The following PYGB variants were observed in gnomAD, a reference collection of about 807,000 sequenced individuals.
PYGB encodes the protein glycogen phosphorylase B, also known as glycogen phosphorylase, brain form.
In PYGB, 82 loss-of-function variants were observed where a neutral mutation model predicts 94.3. The ratio of observed to expected loss-of-function variants is 0.87; its 90% CI spans 0.73 to 1.04. PYGB has a LOEUF of 1.04. Ranked by LOEUF, PYGB falls within the 50% of genes least tolerant of loss-of-function variation. The pLI, the probability that PYGB is intolerant of heterozygous loss-of-function variation, is 0.00. For synonymous variants in PYGB, 488 were observed against 479.1 expected, an observed-to-expected ratio of 1.02 and a Z score of -0.24; for missense variants, 1,132 against 1,158.2, an observed-to-expected ratio of 0.98 and a Z score of 0.33.
chr20:25,290,650 A>T lies in PYGB; in HGVS notation c.1969+28A>T, dbSNP rs6115130. ...AACCCTGGAAGCCTGTGTTGGACAGAAAACTCACTCCTGCCGGGGAACGGG... is the reference window on the plus strand; with the variant it reads ...AACCCTGGAAGCCTGTGTTGGACAGTAAACTCACTCCTGCCGGGGAACGGG... On this transcript the variant is annotated intron_variant, in intron 16 of 19. Transcript: ENST00000216962. The T allele has an allele frequency of 2.5e-6, 4 of 1,586,084 alleles. No individual in the cohort carries two copies. The Admixed American group carries it at 6.7e-5, about 27-fold the overall frequency.
rs1307809672 is a variant in PYGB, at chr20:25,248,123, T to A, written c.-56T>A. 2.0e-6 allele frequency: 3 copies of A among 1,490,522 alleles called. No homozygotes were observed. In the East Asian group the frequency reaches 8.0e-5, roughly 40 times the overall value. 92.3% of individuals were successfully genotyped at this position (1,490,522 alleles called of 1,614,324 possible). ...CAGAGCAGCTGCACCATCCCGGCGT[T>A]CGCGTGTGCCGCCGCTTTCCTCCTC... On this transcript the variant is annotated 5_prime_UTR_variant, in exon 1 of 20. Transcript: ENST00000216962.
At chr20:25,252,778 G>C (rs997143871) in intron 1 of PYGB, among the ~76,000 whole-genome samples, 3 of 152,190 alleles carry the variant, frequency 2.0e-5, no homozygotes, top group African/African-American at 7.2e-5. Flanking sequence ...CTTCAGTTGG[G>C]GATTTTATGG....
rs1050570091 is a variant in PYGB, at chr20:25,248,178, G to C, written c.-1G>C. On this transcript the variant is annotated 5_prime_UTR_variant, in exon 1 of 20. Transcript: ENST00000216962. The stretch of plus-strand genomic sequence containing the variant: ...TCTTTTCCTCCGCCTCCGCCGGCGC[G>C]ATGGCGAAGCCGCTGACGGACAGCG... 1 of 1,589,812 alleles carries C rather than the reference G, an allele frequency of 6.3e-7. No homozygotes were observed. The highest frequency in any genetic ancestry group is 8.6e-7 in the Non-Finnish European group (1 of 1,168,570).
chr20:25,267,449 G>A lies in PYGB; in HGVS notation c.346-1680G>A, dbSNP rs147936799. 5.6e-4 allele frequency among the ~76,000 whole-genome samples: 85 copies of A among 152,282 alleles called. No homozygotes were observed. In the East Asian group the frequency reaches 0.015, roughly 26 times the overall value. Reference sequence around the variant, plus strand: ...CTCAATAAAGAGATAAAGGTTATTGGGTGTACTGCAGTGCTCTTTTTCTGT... The same window carrying A: ...CTCAATAAAGAGATAAAGGTTATTGAGTGTACTGCAGTGCTCTTTTTCTGT... On this transcript the variant is annotated intron_variant, in intron 2 of 19. Coordinates refer to ENST00000216962, the MANE Select transcript of PYGB (RefSeq NM_002862.4).
At position 25,290,746 on chromosome 20, in the gene PYGB, C is replaced by T. The variant is rs532889341; in HGVS notation, c.1969+124C>T. On this transcript the variant is annotated intron_variant, in intron 16 of 19. Coordinates refer to ENST00000216962, the MANE Select transcript of PYGB (RefSeq NM_002862.4). ...GCCTGGACACCCAGACCTAGCCAGC[C>T]GGGCTGCAGGCGAGCAGGGAACGGC... is the stretch of plus-strand genomic sequence containing the variant. 2.3e-5 allele frequency: 32 copies of T among 1,375,318 alleles called. No homozygotes were observed. In the East Asian group the frequency reaches 5.8e-4, roughly 25 times the overall value. The allele number at this position is 1,375,318 out of a possible 1,614,324, so 85.2% of individuals were successfully genotyped here.
Position 25,281,125 on chromosome 20 carries a change from C to T in PYGB, c.1403+13C>T. ...TGAAACAGTCGGTGTGAGTGGGGCG[C>T]TTGCCCGAGCGGGGCCAGCTCTGTC... On this transcript the variant is annotated intron_variant, in intron 11 of 19. Transcript: ENST00000216962. The T allele has an allele frequency of 1.2e-6, 2 of 1,613,654 alleles. No homozygotes were observed. The highest frequency in any genetic ancestry group is 1.7e-6 in the Non-Finnish European group (2 of 1,179,696).
intron 2 of PYGB, among the ~76,000 whole-genome samples, chr20:25,266,629 C>A (rs1033971407): frequency 6.6e-6 from 1 of 152,136 alleles, no homozygotes; most frequent in East Asian, 1.9e-4. Flanking sequence ...AATCCTAAAT[C>A]TGATAAGAGT....
rs765717305 is a variant in PYGB at position 25,280,308 on chromosome 20, A to T, written c.1135A>T (p.Thr379Ser). The change falls in exon 10 of 20, where the codon ACT becomes TCT. Residue 379 changes from threonine to serine, a missense_variant. Coordinates refer to ENST00000216962, the MANE Select transcript of PYGB (RefSeq NM_002862.4). Reference sequence around the variant, plus strand: ...GAAGACCTGTGCATACACCAACCACACTGTGCTGCCTGAGGCCTTGGAGCG... The same window carrying T: ...GAAGACCTGTGCATACACCAACCACTCTGTGCTGCCTGAGGCCTTGGAGCG... ...TKKTCAYTNH[T>S]VLPEALERWP... is the part of the protein sequence containing the mutation. 3 of 1,614,026 alleles carry T rather than the reference A, an allele frequency of 1.9e-6. No homozygotes were observed. The highest frequency in any genetic ancestry group is 2.5e-6 in the Non-Finnish European group (3 of 1,179,984).
Position 25,290,505 on chromosome 20 carries a change from A to G in PYGB, c.1852A>G (p.Lys618Glu). Residue 618 changes from lysine to glutamate, a missense_variant, in exon 16 of 20, where the codon AAG becomes GAG. Coordinates refer to ENST00000216962, the MANE Select transcript of PYGB (RefSeq NM_002862.4). The stretch of plus-strand genomic sequence containing the variant: ...GGCAGCGCCCGGTTACCACATGGCC[A>G]AGCTGATCATCAAGTTGGTCACCTC... ...GKAAPGYHMA[K>E]LIIKLVTSIG... 6.2e-7 allele frequency: 1 copy of G among 1,610,142 alleles called. No homozygotes were observed. The highest frequency in any genetic ancestry group is 8.5e-7 in the Non-Finnish European group (1 of 1,176,518).
At chr20:25,281,306 G>A (rs2088365231) in intron 11 of PYGB, among the ~76,000 whole-genome samples, 194 bp downstream of exon 11, 1 of 152,242 alleles carries the variant, frequency 6.6e-6, no homozygotes, top group Non-Finnish European at 1.5e-5. Flanking sequence ...TCACCGACCA[G>A]CACACGGGGG....
intron 5 of PYGB, among the ~76,000 whole-genome samples, chr20:25,275,114 A>G (rs1481269164): frequency 6.6e-6 from 1 of 152,100 alleles, no homozygotes; most frequent in African/African-American, 2.4e-5. Flanking sequence ...AACAGCTCCC[A>G]CTATCTCTGT....
At chr20:25,291,420 G>A (rs1263355831) in intron 16 of PYGB, among the ~76,000 whole-genome samples, 2 of 152,180 alleles carry the variant, frequency 1.3e-5, no homozygotes, top group African/African-American at 2.4e-5. Flanking sequence ...GGGCTTCCCA[G>A]GCTGCCGCAG....
intron 2 of PYGB, among the ~76,000 whole-genome samples, chr20:25,260,100 C>T (rs1453778775): frequency 2.0e-5 from 3 of 152,128 alleles, no homozygotes; most frequent in Admixed American, 6.5e-5. Context: ...GCCTGGGGCT[C>T]CGTCTCCCCC....
chr20:25,297,584 G>A lies in PYGB; in HGVS notation c.*1062G>A, dbSNP rs2088568343. The A allele has an allele frequency of 6.6e-6, 1 of 152,326 alleles. No homozygotes were observed. Among genetic ancestry groups the A allele is most frequent in the Non-Finnish European group, 1.5e-5 (1 of 68,122 alleles). The allele number at this position is 152,326 out of a possible 1,614,324, so 9.4% of individuals were successfully genotyped here. A position where few individuals can be genotyped will look rare whatever the true frequency, so the allele number is the denominator to read the frequency against. ...CTGCTTGGACAGCAGGCCTGGCACT[G>A]GGAGGTGGGGGTGAGCCCCTCACAG... On this transcript the variant is annotated 3_prime_UTR_variant, in exon 20 of 20. Coordinates refer to ENST00000216962, the MANE Select transcript of PYGB (RefSeq NM_002862.4).
At chr20:25,278,595 C>T in intron 8 of PYGB, 133 bp downstream of exon 8, 1 of 1,304,196 alleles carries the variant, frequency 7.7e-7, no homozygotes, top group Non-Finnish European at 1.0e-6. Flanking sequence ...TCTCGTCATT[C>T]TGGGCCAGGA....
chr20:25,279,227 G>C, intron 9 of PYGB, 78 bp downstream of exon 9: 1 of 1,445,282 alleles, frequency 6.9e-7, no homozygotes, highest in South Asian at 1.2e-5. Context: ...AGCTGAGCTG[G>C]GGGGCCTCTT....
intron 15 of PYGB, 120 bp downstream of exon 15, chr20:25,288,603 C>A: frequency 8.4e-7 from 1 of 1,195,424 alleles, no homozygotes; most frequent in South Asian, 1.4e-5. Flanking sequence ...GCCCAGCGGT[C>A]ACCGGCCCCT....
At chr20:25,271,103 G>C (rs1286226001) in intron 3 of PYGB, among the ~76,000 whole-genome samples, 1 of 152,130 alleles carries the variant, frequency 6.6e-6, no homozygotes, top group Non-Finnish European at 1.5e-5. Flanking sequence ...GGGCAGTGGG[G>C]GGCTTCGTGC....
intron 16 of PYGB, among the ~76,000 whole-genome samples, chr20:25,291,539 C>T (rs1186903088): frequency 6.6e-6 from 1 of 152,222 alleles, no homozygotes; most frequent in Non-Finnish European, 1.5e-5. Context: ...GTCGCTCCCC[C>T]TCTTTAGTGG....
Sources: allele counts gnomAD v4.1 joint callset (sites outside exome capture counted in the v4.1 genomes callset), GRCh38; gene constraint gnomAD v4.1.1; transcripts MANE v1.5; gene names NCBI Gene and HGNC (gene_info 2026-07-23, HGNC 2026-07-21).